BBX: variants seen among roughly 807,000 people sequenced by gnomAD.
BBX encodes HMG box transcription factor BBX.
Under a neutral mutation model 100.2 loss-of-function variants are expected in BBX, and 30 were observed. The observed-to-expected ratio is 0.30, with a 90% CI of 0.22 to 0.41. The LOEUF is 0.41. BBX is among the 10% of genes least tolerant of loss of function. The probability of loss-of-function intolerance (pLI) is 1.00; values close to 1 mark genes in which losing one functional copy is unlikely to be tolerated. For missense variants in BBX, 1,023 were observed against 1,129.8 expected (o/e 0.91, Z 1.35); for synonymous variants, 376 against 388.1 (o/e 0.97, Z 0.37).
chr3:107,547,376 A>G (rs1425564400), intron 2 of BBX, among the ~76,000 whole-genome samples: 4 of 152,104 alleles, frequency 2.6e-5, no homozygotes, highest in African/African-American at 9.7e-5. Context: ...GTAAGTGATG[A>G]TTGTGCCCTC....
intron 2 of BBX, among the ~76,000 whole-genome samples, chr3:107,575,878 A>G (rs2107531780): frequency 6.6e-6 from 1 of 152,236 alleles, no homozygotes. Flanking sequence ...TGACAATGTA[A>G]AATGTGTTGA....
intron 3 of BBX, among the ~76,000 whole-genome samples, chr3:107,682,797 G>A (rs1175308614): frequency 2.6e-5 from 4 of 152,122 alleles, no homozygotes; most frequent in Admixed American, 1.3e-4. Flanking sequence ...TAATTATGTG[G>A]TGAAGCAGTT....
At chr3:107,677,401 G>C (rs1454975156) in intron 3 of BBX, 1 of 152,050 alleles carries the variant, frequency 6.6e-6, no homozygotes, top group Non-Finnish European at 1.5e-5. Flanking sequence ...AAATTTCTTA[G>C]TGTTGAATTT....
chr3:107,709,723 G>A (rs1234020877), intron 3 of BBX, among the ~76,000 whole-genome samples: 1 of 152,170 alleles, frequency 6.6e-6, no homozygotes, highest in African/African-American at 2.4e-5. Flanking sequence ...GGCAAACCTC[G>A]TTTTATGCTA....
intron 3 of BBX, among the ~76,000 whole-genome samples, chr3:107,692,121 A>C (rs1193301939): frequency 2.6e-5 from 4 of 151,800 alleles, no homozygotes; most frequent in Non-Finnish European, 5.9e-5. Context: ...GTTTTTTAAA[A>C]TTATAATTAG....
intron 9 of BBX, 32 bp from the exon 10 acceptor site, chr3:107,755,566 A>G: frequency 6.3e-7 from 1 of 1,581,974 alleles, no homozygotes; most frequent in South Asian, 1.1e-5. Flanking sequence ...TATCACAACT[A>G]ATATTCCCTA....
At chr3:107,569,953 C>A (rs2051221068) in intron 2 of BBX, among the ~76,000 whole-genome samples, 1 of 152,152 alleles carries the variant, frequency 6.6e-6, no homozygotes, top group African/African-American at 2.4e-5. Flanking sequence ...GAGCCTTGGG[C>A]CAGAGTTCCA....
intron 2 of BBX, among the ~76,000 whole-genome samples, chr3:107,562,738 C>T (rs2050597561): frequency 6.6e-6 from 1 of 152,002 alleles, no homozygotes; most frequent in African/African-American, 2.4e-5. Context: ...GGATACTATT[C>T]ACATTTATAT....
chr3:107,788,280 GA>G (rs1160817916), intron 13 of BBX, among the ~76,000 whole-genome samples: 1 of 152,138 alleles, frequency 6.6e-6, no homozygotes, highest in Non-Finnish European at 1.5e-5. Context: ...CAGTGATGGA[GA>G]AGAGAAAAGA....
At chr3:107,782,030 A>T (rs2067947157) in intron 13 of BBX, among the ~76,000 whole-genome samples, 1 of 152,140 alleles carries the variant, frequency 6.6e-6, no homozygotes, top group Non-Finnish European at 1.5e-5. Flanking sequence ...TAGCTTCCAG[A>T]TTGGGCAGAG....
chr3:107,790,017 T>C, intron 14 of BBX, 141 bp downstream of exon 14: 1 of 567,500 alleles, frequency 1.8e-6, no homozygotes, highest in Non-Finnish European at 3.1e-6. Context: ...ACGCGGGTGT[T>C]CTCATTCTTT....
intron 17 of BBX, among the ~76,000 whole-genome samples, chr3:107,801,537 G>A (rs2070472488): frequency 6.6e-6 from 1 of 152,176 alleles, no homozygotes. Flanking sequence ...CCTGAGAGCA[G>A]GGAAGCAGTA....
chr3:107,777,014 A>G (rs9815019), intron 12 of BBX, among the ~76,000 whole-genome samples: 150,732 of 152,272 alleles, frequency 0.99, 74,627 homozygotes, highest in Middle Eastern at 1. Context: ...TGCTTTCTGC[A>G]GTTTTGGGTC....
intron 2 of BBX, among the ~76,000 whole-genome samples, chr3:107,628,386 GA>G (rs900762558): frequency 1.8e-3 from 268 of 147,990 alleles, no homozygotes; most frequent in African/African-American, 6.1e-3. Context: ...TTATTGAAAT[GA>G]AAAAAAAACA....
At chr3:107,601,664 G>A (rs2054075254) in intron 2 of BBX, among the ~76,000 whole-genome samples, 1 of 152,194 alleles carries the variant, frequency 6.6e-6, no homozygotes, top group Non-Finnish European at 1.5e-5. Context: ...ACAGAGGTTG[G>A]TTCATGAGGT....
At chr3:107,792,076 T>A (rs1174049490) in intron 15 of BBX, among the ~76,000 whole-genome samples, 1 of 152,202 alleles carries the variant, frequency 6.6e-6, no homozygotes, top group East Asian at 1.9e-4. Context: ...AGGTGCAGAT[T>A]TGATTTTGAA....
Position 107,755,625 on chromosome 3 carries a change from G to A in BBX, c.853G>A (p.Gly285Ser). ...EISSNTSQLG[G>S]AEPVKRCGKS... is the part of the protein sequence containing the mutation. ...TTCTTCAAACACTTCGCAGTTGGGT[G>A]GTGCTGAGCCTGTAAAACGCTGTGG... is the stretch of plus-strand genomic sequence containing the variant. The change falls in exon 10 of 18, where the codon GGT (glycine) becomes AGT (serine). Residue 285 changes from glycine (G) to serine (S), a missense_variant. Around this residue, in one of 9 missense-constraint regions of BBX, gnomAD observed 95 missense variants for 95.1 expected, o/e 1.00. Coordinates refer to ENST00000325805, the MANE Select transcript of BBX (RefSeq NM_001142568.3). The A allele has an allele frequency of 1.2e-6, 2 of 1,613,846 alleles. No homozygotes were observed. The highest frequency in any genetic ancestry group is 1.3e-5 in the African/African-American group (1 of 75,012).
intron 6 of BBX, 54 bp downstream of exon 6, chr3:107,729,014 G>A (rs990987744): frequency 2.4e-5 from 37 of 1,547,524 alleles, no homozygotes; most frequent in Middle Eastern, 1.7e-4. Context: ...AATACATTTC[G>A]GCAGCATTTT....
intron 2 of BBX, among the ~76,000 whole-genome samples, chr3:107,549,354 T>G (rs1220927199): frequency 6.6e-6 from 1 of 152,002 alleles, no homozygotes; most frequent in African/African-American, 2.4e-5. Flanking sequence ...TGGTGCATAT[T>G]AGATGGCTAT....
Sources: allele counts gnomAD v4.1 joint callset (sites outside exome capture counted in the v4.1 genomes callset), GRCh38; gene constraint gnomAD v4.1.1; regional missense constraint gnomAD v4.1.1; transcripts MANE v1.5; gene names NCBI Gene and HGNC (gene_info 2026-07-23, HGNC 2026-07-21).